The following KCNQ1OT1 variants were observed in gnomAD, a reference collection of about 807,000 sequenced individuals.
The protein encoded by KCNQ1OT1 is KCNQ1 opposite strand/antisense transcript 1.
rs1850326511 is a variant in KCNQ1OT1, at chr11:2,678,195, T to C, written n.21800A>G. ...TTTTCTGGTGGCAGAATTTTTTTAA[T>C]TTCACATAGTCAGCTGTGTCAGTCT... On this transcript the variant is annotated non_coding_transcript_exon_variant, in exon 1 of 1. Transcript: ENST00000597346. The surrounding 1 kb of genome is among the most constrained non-coding windows in gnomAD (Gnocchi z 4.9). 5 of 398,404 alleles carry C rather than the reference T, an allele frequency of 1.3e-5. No homozygotes were observed. The East Asian group carries it at 1.8e-4, about 14-fold the overall frequency. The allele number at this position is 398,404 out of a possible 1,614,324, so 24.7% of individuals were successfully genotyped here.
Position 2,617,729 on chromosome 11 carries a change from A to G in KCNQ1OT1, n.82266T>C, listed in dbSNP as rs994004170. On this transcript the variant is annotated non_coding_transcript_exon_variant, in exon 1 of 1. Coordinates refer to ENST00000597346, the Ensembl canonical transcript of KCNQ1OT1. This position sits in a 1 kb window ranked among gnomAD's most constrained non-coding sequence, Gnocchi z 4.6. The stretch of plus-strand genomic sequence containing the variant: ...TAGCCAACACTTAATAGCTATTCTC[A>G]TGAGTGTGAGGTGATATCGCATAGT... 2 of 398,482 alleles carry G rather than the reference A, an allele frequency of 5.0e-6. No homozygotes were observed. Among genetic ancestry groups the G allele is most frequent in the Non-Finnish European group, 8.9e-6 (2 of 225,982 alleles). The allele number at this position is 398,482 out of a possible 1,614,324, so 24.7% of individuals were successfully genotyped here.
chr11:2,612,106 CA>C lies in KCNQ1OT1; in HGVS notation n.87888del. The stretch of plus-strand genomic sequence containing the variant: ...CACATCCTGTTAGGACAGGGGTTCC[CA>C]ACCCCAGGGCCATGGACTGGTACCA... On this transcript the variant is annotated non_coding_transcript_exon_variant, in exon 1 of 1. Coordinates refer to ENST00000597346, the Ensembl canonical transcript of KCNQ1OT1. This position sits in a 1 kb window ranked among gnomAD's most constrained non-coding sequence, Gnocchi z 5.5. The C allele has an allele frequency of 2.5e-6, 1 of 398,572 alleles. No homozygotes were observed. The highest frequency in any genetic ancestry group is 4.4e-6 in the Non-Finnish European group (1 of 226,066). 24.7% of individuals were successfully genotyped at this position (398,572 alleles called of 1,614,324 possible). A position where few individuals can be genotyped will look rare whatever the true frequency, so the allele number is the denominator to read the frequency against.
exon 1 of KCNQ1OT1, chr11:2,660,419 AAAAACAT>A: frequency 2.5e-6 from 1 of 398,644 alleles, no homozygotes; most frequent in East Asian, 3.6e-5. Context: ...GTATCACTTT[AAAAACAT>A]AAAACATTTT....
At chr11:2,628,498 T>A (rs1849296781) in exon 1 of KCNQ1OT1, 1 of 398,350 alleles carries the variant, frequency 2.5e-6, no homozygotes, top group African/African-American at 2.1e-5. Context: ...GGTTATTAAG[T>A]TTTTTTGCTA....
exon 1 of KCNQ1OT1, chr11:2,684,113 A>G (rs231356): frequency 3.3e-4 from 130 of 398,458 alleles, no homozygotes; most frequent in Non-Finnish European, 5.3e-4. Flanking sequence ...TTTCACATAG[A>G]TTCTTAAGGG....
rs1387834587 is a variant in KCNQ1OT1, at chr11:2,690,717, T to A, written n.9278A>T. 2 of 398,532 alleles carry A rather than the reference T, an allele frequency of 5.0e-6. No individual in the cohort carries two copies. The highest frequency in any genetic ancestry group is 8.8e-6 in the Non-Finnish European group (2 of 226,092). The allele number at this position is 398,532 out of a possible 1,614,324, so 24.7% of individuals were successfully genotyped here. A position where few individuals can be genotyped will look rare whatever the true frequency, so the allele number is the denominator to read the frequency against. ...GAATTCCTGAGGGCTTTCCATTTGA[T>A]CCCAGTGGTTGAAGATGGAGTATGA... On this transcript the variant is annotated non_coding_transcript_exon_variant, in exon 1 of 1. Transcript: ENST00000597346. This position sits in a 1 kb window ranked among gnomAD's most constrained non-coding sequence, Gnocchi z 5.1.
exon 1 of KCNQ1OT1, chr11:2,644,028 T>G (rs1428510157): frequency 2.5e-6 from 1 of 398,452 alleles, no homozygotes; most frequent in Non-Finnish European, 4.4e-6. Flanking sequence ...GGTTTTATGA[T>G]TCTCTCTTTG....
In KCNQ1OT1 at chr11:2,620,221, T is replaced by TTA. The variant is rs1554898346; in HGVS notation, n.79773_79774insTA. On this transcript the variant is annotated non_coding_transcript_exon_variant, in exon 1 of 1. Coordinates refer to ENST00000597346, the Ensembl canonical transcript of KCNQ1OT1. This position sits in a 1 kb window ranked among gnomAD's most constrained non-coding sequence, Gnocchi z 4.5. ...CATGTATATATATATATTTTTTTTT[T>TTA]TTATTTTTTTTTTAGACGGAGTTTC... 3.1e-3 allele frequency: 862 copies of TTA among 280,180 alleles called. 7 individuals are homozygous for TTA. The highest frequency in any genetic ancestry group is 0.017 in the African/African-American group (745 of 44,520). The allele number at this position is 280,180 out of a possible 1,614,324, so 17.4% of individuals were successfully genotyped here.
chr11:2,666,377 T>G (rs1480430419), exon 1 of KCNQ1OT1: 1 of 398,552 alleles, frequency 2.5e-6, no homozygotes, highest in Non-Finnish European at 4.4e-6. Context: ...TCTTGTGACA[T>G]GACAGCTTCG....
exon 1 of KCNQ1OT1, chr11:2,619,852 G>T (rs977342344): frequency 1.1e-4 from 43 of 398,204 alleles, no homozygotes; most frequent in African/African-American, 6.2e-4. Context: ...AGGTTTTGGG[G>T]TTTTTTTAAC....
chr11:2,666,857 A>AG, exon 1 of KCNQ1OT1: 1 of 398,682 alleles, frequency 2.5e-6, no homozygotes, highest in Non-Finnish European at 4.4e-6. Flanking sequence ...AGGATGAGTG[A>AG]GGGGCTTGTC....
Position 2,659,520 on chromosome 11 carries a change from T to A in KCNQ1OT1, n.40475A>T, listed in dbSNP as rs1849912781. On this transcript the variant is annotated non_coding_transcript_exon_variant, in exon 1 of 1. Transcript: ENST00000597346. This position sits in a 1 kb window ranked among gnomAD's most constrained non-coding sequence, Gnocchi z 4.3. ...TGCATTCACCTGTTGAAGGACATCT[T>A]CATTGTTTCCAGTATTTGGTAATTA... is the stretch of plus-strand genomic sequence containing the variant. 5.0e-6 allele frequency: 2 copies of A among 398,474 alleles called. No individual in the cohort carries two copies. Among genetic ancestry groups the A allele is most frequent in the African/African-American group, 4.1e-5 (2 of 48,654 alleles). The allele number at this position is 398,474 out of a possible 1,614,324, so 24.7% of individuals were successfully genotyped here. A position where few individuals can be genotyped will look rare whatever the true frequency, so the allele number is the denominator to read the frequency against.
chr11:2,687,062 A>G lies in KCNQ1OT1; in HGVS notation n.12933T>C. ...TCCCAGCTCTGGGGGACAAGGACCC[A>G]CAAAGTGATGCAAGATATCCTGAGT... On this transcript the variant is annotated non_coding_transcript_exon_variant, in exon 1 of 1. Coordinates refer to ENST00000597346, the Ensembl canonical transcript of KCNQ1OT1. The surrounding 1 kb of genome is among the most constrained non-coding windows in gnomAD (Gnocchi z 5.0). 2.5e-6 allele frequency: 1 copy of G among 398,674 alleles called. No individual in the cohort carries two copies. Among genetic ancestry groups the G allele is most frequent in the Non-Finnish European group, 4.4e-6 (1 of 226,078 alleles). The allele number at this position is 398,674 out of a possible 1,614,324, so 24.7% of individuals were successfully genotyped here.
chr11:2,611,039 A>T lies in KCNQ1OT1; in HGVS notation n.88956T>A. ...GTCTGTTTCTCTCTTCATTTCTGAC[A>T]GTTTTATTTCATATACTTCAGGGCT... On this transcript the variant is annotated non_coding_transcript_exon_variant, in exon 1 of 1. Coordinates refer to ENST00000597346, the Ensembl canonical transcript of KCNQ1OT1. This position sits in a 1 kb window ranked among gnomAD's most constrained non-coding sequence, Gnocchi z 5.3. The T allele has an allele frequency of 2.5e-6, 1 of 398,318 alleles. No homozygotes were observed. 24.7% of individuals were successfully genotyped at this position (398,318 alleles called of 1,614,324 possible). A position where few individuals can be genotyped will look rare whatever the true frequency, so the allele number is the denominator to read the frequency against.
At position 2,673,585 on chromosome 11, in the gene KCNQ1OT1, G is replaced by A. The variant is rs1385156184; in HGVS notation, n.26410C>T. 2.5e-6 allele frequency: 1 copy of A among 398,586 alleles called. No homozygotes were observed. Among genetic ancestry groups the A allele is most frequent in the African/African-American group, 2.1e-5 (1 of 48,624 alleles). 24.7% of individuals were successfully genotyped at this position (398,586 alleles called of 1,614,324 possible). On this transcript the variant is annotated non_coding_transcript_exon_variant, in exon 1 of 1. Coordinates refer to ENST00000597346, the Ensembl canonical transcript of KCNQ1OT1. This position sits in a 1 kb window ranked among gnomAD's most constrained non-coding sequence, Gnocchi z 4.5. ...TGCAGGTGGAAGACCCTATTACTTG[G>A]GCTAAAGAGAAGCTAAACGTGACCA... is the stretch of plus-strand genomic sequence containing the variant.
At position 2,652,348 on chromosome 11, in the gene KCNQ1OT1, ATGT is replaced by A. The variant is rs976620024; in HGVS notation, n.47644_47646del. 2.0e-5 allele frequency: 8 copies of A among 398,500 alleles called. No homozygotes were observed. The highest frequency in any genetic ancestry group is 8.2e-5 in the African/African-American group (4 of 48,630). The allele number at this position is 398,500 out of a possible 1,614,324, so 24.7% of individuals were successfully genotyped here. A position where few individuals can be genotyped will look rare whatever the true frequency, so the allele number is the denominator to read the frequency against. On this transcript the variant is annotated non_coding_transcript_exon_variant, in exon 1 of 1. Coordinates refer to ENST00000597346, the Ensembl canonical transcript of KCNQ1OT1. This position sits in a 1 kb window ranked among gnomAD's most constrained non-coding sequence, Gnocchi z 5.9. ...AGTTAAGAACTGGCACATTTCCGCGATGTTGTGATGAAGGTGAAAAGATCGCTC... is the reference window on the plus strand; with the variant it reads ...AGTTAAGAACTGGCACATTTCCGCGATGTGATGAAGGTGAAAAGATCGCTC...
exon 1 of KCNQ1OT1, chr11:2,667,018 G>T (rs1031505199): frequency 5.0e-6 from 2 of 398,678 alleles, no homozygotes; most frequent in Admixed American, 8.8e-5. Context: ...TAGGATCCCC[G>T]TCAGAGCCCC....
chr11:2,694,320 C>G (rs1850637121), exon 1 of KCNQ1OT1: 1 of 398,556 alleles, frequency 2.5e-6, no homozygotes, highest in Non-Finnish European at 4.4e-6. Flanking sequence ...AAGTGGTTGT[C>G]ATCTGCGGTG....
chr11:2,621,826 G>A lies in KCNQ1OT1; in HGVS notation n.78169C>T, dbSNP rs1849177132. 2.5e-6 allele frequency: 1 copy of A among 398,108 alleles called. No homozygotes were observed. Among genetic ancestry groups the A allele is most frequent in the Non-Finnish European group, 4.4e-6 (1 of 225,920 alleles). The allele number at this position is 398,108 out of a possible 1,614,324, so 24.7% of individuals were successfully genotyped here. A position where few individuals can be genotyped will look rare whatever the true frequency, so the allele number is the denominator to read the frequency against. ...TCAATTCTTTGTTTCAAAAATTGAA[G>A]TCTTAGTTTTACTGACTTTTTTCCC... is the stretch of plus-strand genomic sequence containing the variant. On this transcript the variant is annotated non_coding_transcript_exon_variant, in exon 1 of 1. Coordinates refer to ENST00000597346, the Ensembl canonical transcript of KCNQ1OT1. This position sits in a 1 kb window ranked among gnomAD's most constrained non-coding sequence, Gnocchi z 5.7.
Sources: allele counts gnomAD v4.1 joint callset, GRCh38; gene constraint gnomAD v4.1.1; non-coding constraint Gnocchi (gnomAD v3.1); transcripts MANE v1.5; gene names NCBI Gene and HGNC (gene_info 2026-07-23, HGNC 2026-07-21).